POLI: variants seen among roughly 807,000 people sequenced by gnomAD.
POLI encodes DNA polymerase iota, also known as RAD30 homolog B.
POLI carries 58 observed loss-of-function variants against 51.6 expected under a neutral mutation model. The ratio of observed to expected loss-of-function variants is 1.12; its 90% CI spans 0.91 to 1.40. The LOEUF is 1.40. Among genes scored for constraint, POLI ranks in the 40% most tolerant of loss-of-function variants. POLI has a pLI of 0.00. For missense variants in POLI, 921 were observed against 871.3 expected (o/e 1.06, Z -0.72); for synonymous variants, 322 against 299.7 (o/e 1.07, Z -0.77).
Position 54,290,967 on chromosome 18 carries a change from A to G in POLI, c.1199-866A>G, listed in dbSNP as rs763874298. Among the ~76,000 whole-genome samples, 77 of 152,136 alleles carry G rather than the reference A, an allele frequency of 5.1e-4. 2 individuals are homozygous for G. The highest frequency in any genetic ancestry group is 5.2e-4 in the Admixed American group (8 of 15,276). On this transcript the variant is annotated intron_variant, in intron 8 of 9. Transcript: ENST00000579534. ...ATTGTGCACATGAACCCCAGAACTT[A>G]AAGTATAAAAGAAAAAAAATTAGGC...
chr18:54,305,411 A>G (rs2088565539), intron 3 of POLI, among the ~76,000 whole-genome samples: 1 of 152,086 alleles, frequency 6.6e-6, no homozygotes, highest in South Asian at 2.1e-4. Flanking sequence ...ATGTTCTTCC[A>G]TTTGTTTGTG....
Position 54,295,165 on chromosome 18 carries a change from A to G in POLI, c.*698A>G. 1 of 984,276 alleles carries G rather than the reference A, an allele frequency of 1.0e-6. No individual in the cohort carries two copies. Among genetic ancestry groups the G allele is most frequent in the Non-Finnish European group, 1.2e-6 (1 of 829,524 alleles). The allele number at this position is 984,276 out of a possible 1,614,324, so 61.0% of individuals were successfully genotyped here. On this transcript the variant is annotated 3_prime_UTR_variant, in exon 10 of 10. Transcript: ENST00000579534. Reference sequence around the variant, plus strand: ...ACTCTCCGTGCAAGTAAATTAAGGGAAAGATGGACACCAGAAAGGCAAGGT... The same window carrying G: ...ACTCTCCGTGCAAGTAAATTAAGGGGAAGATGGACACCAGAAAGGCAAGGT...
intron 3 of POLI, among the ~76,000 whole-genome samples, chr18:54,315,361 A>T (rs906775683): frequency 6.6e-6 from 1 of 151,808 alleles, no homozygotes; most frequent in African/African-American, 2.4e-5. Flanking sequence ...ATTTCTTGAG[A>T]CTTGCTTTAT....
chr18:54,273,986 A>G lies in POLI; in HGVS notation c.302A>G (p.Lys101Arg), dbSNP rs1350178824. The G allele has an allele frequency of 1.5e-5, 23 of 1,585,292 alleles. No homozygotes were observed. Among genetic ancestry groups the G allele is most frequent in the Non-Finnish European group, 2.0e-5 (23 of 1,164,230 alleles). Residue 101 changes from lysine (K) to arginine (R), a missense_variant, in exon 3 of 10, where the codon AAG becomes AGG. By Grantham distance (26) the Lys-to-Arg change is conservative. Coordinates refer to ENST00000579534, the MANE Select transcript of POLI (RefSeq NM_007195.3). ...CNYEARKLGV[K>R]KLMNVRDAKE... ...TATGAAGCTAGGAAACTTGGAGTTA[A>G]GAAACTTATGAATGTCAGAGATGCA...
chr18:54,291,327 C>CT (rs1204945741), intron 8 of POLI: 1 of 152,384 alleles, frequency 6.6e-6, no homozygotes, highest in African/African-American at 2.4e-5. Context: ...GGCAACACTG[C>CT]TGAGTGTGGG....
In POLI at chr18:54,293,479, T is replaced by C. The variant is rs190588909; in HGVS notation, c.1405-170T>C. 1.7e-3 allele frequency among the ~76,000 whole-genome samples: 264 copies of C among 152,106 alleles called. 2 individuals are homozygous for C. Among genetic ancestry groups the C allele is most frequent in the African/African-American group, 5.9e-3 (244 of 41,498 alleles). ...TAGTGGGTAGAGATTCACAAAATAG[T>C]GTGAATAATTGTGGTAGTAGATCTC... is the stretch of plus-strand genomic sequence containing the variant. On this transcript the variant is annotated intron_variant, in intron 9 of 9. Coordinates refer to ENST00000579534, the MANE Select transcript of POLI (RefSeq NM_007195.3).
chr18:54,277,281 C>T (rs2087285463), intron 3 of POLI, among the ~76,000 whole-genome samples: 1 of 152,126 alleles, frequency 6.6e-6, no homozygotes, highest in South Asian at 2.1e-4. Flanking sequence ...TGTTTTGCCT[C>T]TTTTAAACTC....
At chr18:54,313,259 A>T (rs760853647) in intron 3 of POLI, among the ~76,000 whole-genome samples, 4 of 152,180 alleles carry the variant, frequency 2.6e-5, no homozygotes, top group Non-Finnish European at 4.4e-5. Context: ...AGATGGTTGT[A>T]GGTATGTGGC....
upstream of POLI, chr18:54,269,510 A>G: frequency 6.9e-7 from 1 of 1,449,198 alleles, no homozygotes. Context: ...ACCAGGCGGA[A>G]GCGGCCGGAA....
chr18:54,316,777 A>C (rs565702072), intron 3 of POLI, among the ~76,000 whole-genome samples: 1 of 152,204 alleles, frequency 6.6e-6, no homozygotes, highest in East Asian at 1.9e-4. Flanking sequence ...CTTATAGTAC[A>C]TTGGAAAACA....
chr18:54,279,246 T>C (rs946858379), intron 4 of POLI, among the ~76,000 whole-genome samples: 4 of 145,782 alleles, frequency 2.7e-5, no homozygotes, highest in Non-Finnish European at 6.0e-5. Flanking sequence ...CTTTTCTTTT[T>C]TTTTTTTTTT....
At chr18:54,318,716 A>G (rs1238807737) in intron 3 of POLI, among the ~76,000 whole-genome samples, 4 of 152,164 alleles carry the variant, frequency 2.6e-5, no homozygotes, top group Non-Finnish European at 5.9e-5. Flanking sequence ...CCAATTTCAA[A>G]CCTTCCACAC....
intron 8 of POLI, among the ~76,000 whole-genome samples, chr18:54,288,333 GT>G (rs2087840195): frequency 6.6e-6 from 1 of 151,930 alleles, no homozygotes; most frequent in Non-Finnish European, 1.5e-5. Context: ...TCTGTTTTCT[GT>G]TAGAAGTTTT....
rs1255384528 is a variant in POLI at position 54,295,624 on chromosome 18, TTTTC to T, written c.*1165_*1168del. The T allele has an allele frequency of 1.9e-5, 13 of 687,272 alleles. No individual in the cohort carries two copies. The South Asian group carries it at 2.7e-4, about 14-fold the overall frequency. 42.6% of individuals were successfully genotyped at this position (687,272 alleles called of 1,614,324 possible). On this transcript the variant is annotated 3_prime_UTR_variant, in exon 10 of 10. Transcript: ENST00000579534. ...ACTTTCTTCTAGGTCTGAAATTTTC[TTTTC>T]TTTCTTTTTTTGTTTTGGAGACAGA... is the stretch of plus-strand genomic sequence containing the variant.
chr18:54,312,356 A>G (rs1198615171), intron 3 of POLI, among the ~76,000 whole-genome samples: 1 of 151,982 alleles, frequency 6.6e-6, no homozygotes, highest in African/African-American at 2.4e-5. Flanking sequence ...TATATCATTG[A>G]TGGGCACCTG....
rs1240329008 is a variant in POLI, at chr18:54,271,378, T to C, written c.134T>C (p.Leu45Ser). The change falls in exon 2 of 10, where the codon TTG (leucine) becomes TCG (serine). Residue 45 changes from leucine to serine, a missense_variant. Transcript: ENST00000579534. ...TGTGCAGGAGTTCATGATCAAGTGT[T>C]GCCCACACCAAATGCTTCATCCAGA... ...ASSQGVHDQV[L>S]PTPNASSRVI... is the part of the protein sequence containing the mutation. 4 of 1,612,610 alleles carry C rather than the reference T, an allele frequency of 2.5e-6. No individual in the cohort carries two copies. In the South Asian group the frequency reaches 3.3e-5, roughly 13 times the overall value.
chr18:54,283,601 T>C (rs1160667109), intron 6 of POLI: 2 of 166,086 alleles, frequency 1.2e-5, no homozygotes, highest in Non-Finnish European at 2.6e-5. Flanking sequence ...AAGTCCTAGG[T>C]GATTAAGAAC....
At chr18:54,306,088 C>T (rs2088581200) in intron 3 of POLI, among the ~76,000 whole-genome samples, 2 of 152,134 alleles carry the variant, frequency 1.3e-5, no homozygotes, top group African/African-American at 4.8e-5. Context: ...CCTGATTGCC[C>T]TGGCCAGAAC....
chr18:54,314,360 T>C (rs547101308), intron 3 of POLI, among the ~76,000 whole-genome samples: 9 of 152,360 alleles, frequency 5.9e-5, no homozygotes, highest in Admixed American at 4.6e-4. Flanking sequence ...GATGTTCTGC[T>C]GGATTCAGAT....
Sources: gnomAD v4.1 joint callset for allele counts (sites outside exome capture counted in the v4.1 genomes callset) on GRCh38, gnomAD v4.1.1 for gene constraint, MANE v1.5 for transcripts, NCBI Gene and HGNC (gene_info 2026-07-23, HGNC 2026-07-21) for gene names.